ACSF3: variants seen among roughly 807,000 people sequenced by gnomAD.
ACSF3 encodes the protein acyl-CoA synthetase family member 3, also known as malonate--CoA ligase ACSF3, mitochondrial.
In ACSF3, 78 loss-of-function variants were observed where a neutral mutation model predicts 53.2. The observed-to-expected ratio is 1.47, with a 90% confidence interval of 1.22 to 1.77. The LOEUF (loss-of-function observed/expected upper bound fraction) is 1.77. Ranked by LOEUF, ACSF3 falls within the 40% of genes most tolerant of loss-of-function variation. The pLI is 0.00. For missense variants in ACSF3, 937 were observed against 771.1 expected, an observed-to-expected ratio of 1.22 and a Z score of -2.55; for synonymous variants, 414 against 333.1, an observed-to-expected ratio of 1.24 and a Z score of -2.65.
At chr16:89,130,858 C>T (rs376576708) in intron 7 of ACSF3, among the ~76,000 whole-genome samples, 6 of 152,164 alleles carry the variant, frequency 3.9e-5, no homozygotes, top group South Asian at 2.1e-4. Flanking sequence ...GTAGCATGAA[C>T]GTTAGCCCTC....
At chr16:89,109,236 AAAAAAAAAAAAAAAG>A (rs1056776799) in intron 4 of ACSF3, among the ~76,000 whole-genome samples, 2 of 146,778 alleles carry the variant, frequency 1.4e-5, no homozygotes, top group African/African-American at 5.1e-5. Context: ...TCTCAAAAAA[AAAAAAAAAAAAAAAG>A]AAAAGAAAAG....
At chr16:89,123,378 G>A (rs1055707115) in intron 7 of ACSF3, among the ~76,000 whole-genome samples, 2 of 152,184 alleles carry the variant, frequency 1.3e-5, no homozygotes, top group Admixed American at 6.5e-5. Flanking sequence ...GCTCACACTC[G>A]CAGACGCACT....
intron 10 of ACSF3, chr16:89,149,535 T>C (rs1913723221): frequency 6.6e-6 from 1 of 152,282 alleles, no homozygotes; most frequent in Admixed American, 6.5e-5. Flanking sequence ...ACCTGTGTTA[T>C]AGCTTATACC....
In ACSF3 at chr16:89,147,644, C is replaced by T. The variant is rs547899676; in HGVS notation, c.1613+1595C>T. The T allele has an allele frequency of 2.6e-5, 4 of 151,730 alleles. 1 individual carries two copies. In the South Asian group the frequency reaches 8.3e-4, roughly 32 times the overall value. 9.4% of individuals were successfully genotyped at this position (151,730 alleles called of 1,614,324 possible). ...TCTTGTGAGAACTCACTCACTAGCA[C>T]GAGAACAGCAAGGGGAAAATCCACC... On this transcript the variant is annotated intron_variant, in intron 10 of 10. Coordinates refer to ENST00000614302, the MANE Select transcript of ACSF3 (RefSeq NM_001243279.3).
Position 89,135,008 on chromosome 16 carries a change from G to A in ACSF3, c.1366+1746G>A, listed in dbSNP as rs1467739262. ...GGTACTCACTGTAGTGTATTTATCC[G>A]GAAGATGTGCACGTTGCTCCTGACC... On this transcript the variant is annotated intron_variant, in intron 8 of 10. Coordinates refer to ENST00000614302, the MANE Select transcript of ACSF3 (RefSeq NM_001243279.3). 2.6e-5 allele frequency among the ~76,000 whole-genome samples: 4 copies of A among 152,046 alleles called. No individual in the cohort carries two copies. In the East Asian group the frequency reaches 5.8e-4, roughly 22 times the overall value.
intron 6 of ACSF3, among the ~76,000 whole-genome samples, chr16:89,118,075 G>T (rs1365785947): frequency 2.7e-5 from 4 of 149,300 alleles, no homozygotes; most frequent in African/African-American, 9.9e-5. Context: ...TCCCTCGGGC[G>T]CCGGGGACGC....
intron 8 of ACSF3, among the ~76,000 whole-genome samples, chr16:89,135,616 C>T (rs1225825618): frequency 6.6e-6 from 1 of 152,230 alleles, no homozygotes; most frequent in African/African-American, 2.4e-5. Context: ...TATACATCCC[C>T]ATTAGCGCAT....
At position 89,154,310 on chromosome 16, in the gene ACSF3, AC is replaced by A; in HGVS notation, c.*109del. On this transcript the variant is annotated 3_prime_UTR_variant, in exon 11 of 11. Transcript: ENST00000614302. ...AAGACCTGGCCTCCCTTAAACCTGA[AC>A]CCCCCAAATCAGGTCACGTAGAATC... The A allele has an allele frequency of 2.8e-6, 3 of 1,084,598 alleles. No homozygotes were observed. The highest frequency in any genetic ancestry group is 4.1e-6 in the Non-Finnish European group (3 of 723,642). The allele number at this position is 1,084,598 out of a possible 1,614,324, so 67.2% of individuals were successfully genotyped here.
chr16:89,120,802 T>C lies in ACSF3; in HGVS notation c.1128T>C (p.Gly376=). The change falls in exon 7 of 11, where the codon GGT becomes GGC. Residue 376 remains glycine (G), a splice_region_variant and synonymous_variant. Transcript: ENST00000614302. ...TTCAGTGTTTCTCCTCTCCTGTAGGTTCCGTGGGGACCCCACTGCCTGGAG... is the reference window on the plus strand; with the variant it reads ...TTCAGTGTTTCTCCTCTCCTGTAGGCTCCGTGGGGACCCCACTGCCTGGAG... ...GPLTTAVRLP[G]SVGTPLPGVQ... is the part of the protein sequence containing the mutation. The C allele has an allele frequency of 6.2e-7, 1 of 1,613,866 alleles. No homozygotes were observed. The highest frequency in any genetic ancestry group is 8.5e-7 in the Non-Finnish European group (1 of 1,179,816).
At chr16:89,136,665 C>T (rs12930806) in intron 8 of ACSF3, 162,125 of 1,287,100 alleles carry the variant, frequency 0.13, 10,929 homozygotes, top group African/African-American at 0.19. Flanking sequence ...CGGCCTCCTC[C>T]GGGTCAGGAT....
chr16:89,152,018 A>G (rs934998521), intron 10 of ACSF3: 1 of 152,278 alleles, frequency 6.6e-6, no homozygotes, highest in Non-Finnish European at 1.5e-5. Context: ...CTAGGAGAAG[A>G]AGGAAAATCC....
intron 6 of ACSF3, among the ~76,000 whole-genome samples, chr16:89,119,295 C>T (rs575683110): frequency 3.9e-5 from 6 of 152,354 alleles, no homozygotes; most frequent in Admixed American, 6.5e-5. Context: ...GCTGCGTCCC[C>T]GCCCCAGTAG....
chr16:89,133,580 G>T (rs1333938241), intron 8 of ACSF3, among the ~76,000 whole-genome samples: 1 of 152,168 alleles, frequency 6.6e-6, no homozygotes, highest in East Asian at 1.9e-4. Flanking sequence ...CAGACGCCGG[G>T]CCCCACGCAG....
At chr16:89,106,651 C>T (rs1976023305) in intron 4 of ACSF3, among the ~76,000 whole-genome samples, 2 of 152,286 alleles carry the variant, frequency 1.3e-5, no homozygotes, top group South Asian at 4.1e-4. Context: ...AACTCTTTTC[C>T]ATAAACTCCA....
intron 4 of ACSF3, among the ~76,000 whole-genome samples, chr16:89,108,589 C>G (rs112544010): frequency 1.3e-5 from 2 of 152,182 alleles, no homozygotes; most frequent in African/African-American, 4.8e-5. Flanking sequence ...TGCTTTCTGC[C>G]TCTAGGATTT....
At position 89,133,159 on chromosome 16, in the gene ACSF3, G is replaced by A. The variant is rs768562298; in HGVS notation, c.1263G>A (p.Lys421=). The change falls in exon 8 of 11, where the codon AAG becomes AAA. Residue 421 remains lysine (K), a synonymous_variant. Coordinates refer to ENST00000614302, the MANE Select transcript of ACSF3 (RefSeq NM_001243279.3). ...GTKVTPGFEE[K]EGELLVRGPS... ...AGGTGACCCCAGGGTTTGAAGAAAA[G>A]GAGGGGGAGCTGCTGGTGAGGGGAC... The A allele has an allele frequency of 1.2e-6, 2 of 1,614,044 alleles. No individual in the cohort carries two copies. The highest frequency in any genetic ancestry group is 1.7e-6 in the Non-Finnish European group (2 of 1,180,012).
intron 7 of ACSF3, 43 bp downstream of exon 7, chr16:89,120,956 G>C (rs768497961): frequency 7.0e-6 from 11 of 1,573,836 alleles, no homozygotes; most frequent in South Asian, 1.1e-5. Context: ...CGTGTGTCCA[G>C]TCTAGGCCCC....
chr16:89,138,412 A>C (rs1911056536), intron 8 of ACSF3, among the ~76,000 whole-genome samples: 1 of 152,232 alleles, frequency 6.6e-6, no homozygotes, highest in Non-Finnish European at 1.5e-5. Flanking sequence ...GGGAAGGAAC[A>C]CAGGCCTCCT....
chr16:89,143,515 G>A (rs776342867), intron 8 of ACSF3, among the ~76,000 whole-genome samples: 1 of 152,236 alleles, frequency 6.6e-6, no homozygotes, highest in African/African-American at 2.4e-5. Flanking sequence ...CAGCCTGGAC[G>A]GGGTGGCTCG....
Sources: allele counts gnomAD v4.1 joint callset (sites outside exome capture counted in the v4.1 genomes callset), GRCh38; gene constraint gnomAD v4.1.1; transcripts MANE v1.5; gene names NCBI Gene and HGNC (gene_info 2026-07-23, HGNC 2026-07-21).